The following ZFP36L2 variants were observed in gnomAD, a reference collection of about 807,000 sequenced individuals.
ZFP36L2 encodes the protein mRNA decay activator protein ZFP36L2.
Under a neutral mutation model 27.9 loss-of-function variants are expected in ZFP36L2, and 16 were observed. The observed-to-expected ratio is 0.57, with a 90% CI of 0.39 to 0.87. ZFP36L2 has a LOEUF of 0.87. Among genes scored for constraint, ZFP36L2 ranks in the 40% least tolerant of loss-of-function variants. The pLI is 0.00. For missense variants in ZFP36L2, 989 were observed against 726.9 expected, an observed-to-expected ratio of 1.36 and a Z score of -4.15; for synonymous variants, 600 against 363.8, an observed-to-expected ratio of 1.65 and a Z score of -7.39.
In ZFP36L2 at chr2:43,222,975, G is replaced by C. The variant is rs1373991844; in HGVS notation, c.*1344C>G. 2.0e-5 allele frequency: 3 copies of C among 152,176 alleles called. No homozygotes were observed. Among genetic ancestry groups the C allele is most frequent in the Admixed American group, 1.3e-4 (2 of 15,274 alleles). The allele number at this position is 152,176 out of a possible 1,614,324, so 9.4% of individuals were successfully genotyped here. A position where few individuals can be genotyped will look rare whatever the true frequency, so the allele number is the denominator to read the frequency against. ...TACTCGAGTATGTCACAGTAGAACT[G>C]GTGGAATAAGCAAACACTTTTTTGC... On this transcript the variant is annotated 3_prime_UTR_variant, in exon 2 of 2. Coordinates refer to ENST00000282388, the MANE Select transcript of ZFP36L2 (RefSeq NM_006887.5).
In ZFP36L2 at chr2:43,224,826, C is replaced by T. The variant is rs771354925; in HGVS notation, c.978G>A (p.Ala326=). The T allele has an allele frequency of 1.4e-6, 2 of 1,423,818 alleles. No homozygotes were observed. Among genetic ancestry groups the T allele is most frequent in the South Asian group, 1.5e-5 (1 of 68,646 alleles). The allele number at this position is 1,423,818 out of a possible 1,614,324, so 88.2% of individuals were successfully genotyped here. A position where few individuals can be genotyped will look rare whatever the true frequency, so the allele number is the denominator to read the frequency against. ...ACAGCAGAGCGGCCGCAGCCGCGGC[C>T]GCCGCGGAGGCGCAGCATGTCGGGG... ...SGAPTCCASA[A]AAAAAALLYG... Residue 326 remains alanine (A), a synonymous_variant, in exon 2 of 2, where the codon GCG becomes GCA. Coordinates refer to ENST00000282388, the MANE Select transcript of ZFP36L2 (RefSeq NM_006887.5).
chr2:43,224,845 G>T lies in ZFP36L2; in HGVS notation c.959C>A (p.Thr320Lys). 2.7e-6 allele frequency: 4 copies of T among 1,459,500 alleles called. No homozygotes were observed. Among genetic ancestry groups the T allele is most frequent in the Middle Eastern group, 4.8e-4 (2 of 4,194 alleles). 90.4% of individuals were successfully genotyped at this position (1,459,500 alleles called of 1,614,324 possible). Residue 320 changes from threonine (T) to lysine (K), a missense_variant, in exon 2 of 2, where the codon ACA becomes AAA. Coordinates refer to ENST00000282388, the MANE Select transcript of ZFP36L2 (RefSeq NM_006887.5). ...SAASTPSGAP[T>K]CCASAAAAAA... ...CGCGGCCGCCGCGGAGGCGCAGCAT[G>T]TCGGGGCGCCCGAGGGCGTGGAGGC... is the stretch of plus-strand genomic sequence containing the variant.
intron 1 of ZFP36L2, 138 bp downstream of exon 1, chr2:43,226,127 C>G (rs1249909549): frequency 1.6e-6 from 2 of 1,268,928 alleles, no homozygotes; most frequent in Non-Finnish European, 2.2e-6. Context: ...CCAGGGCGCT[C>G]GGACACTCTT....
rs1022492128 is a variant in ZFP36L2, at chr2:43,222,880, G to C, written c.*1439C>G. The C allele has an allele frequency of 1.3e-5, 2 of 152,174 alleles. No individual in the cohort carries two copies. Among genetic ancestry groups the C allele is most frequent in the African/African-American group, 2.4e-5 (1 of 41,352 alleles). 9.4% of individuals were successfully genotyped at this position (152,174 alleles called of 1,614,324 possible). On this transcript the variant is annotated 3_prime_UTR_variant, in exon 2 of 2. Coordinates refer to ENST00000282388, the MANE Select transcript of ZFP36L2 (RefSeq NM_006887.5). ...CTTATTTGGTTGAGGAAGATTTAAG[G>C]CAAGTTCGGGCCCTTCCAAAGGCAC...
In ZFP36L2 at chr2:43,226,278, T is replaced by C; in HGVS notation, c.38A>G (p.Asp13Gly). The C allele has an allele frequency of 6.3e-7, 1 of 1,586,650 alleles. No homozygotes were observed. The highest frequency in any genetic ancestry group is 8.6e-7 in the Non-Finnish European group (1 of 1,165,722). The change falls in exon 1 of 2, where the codon GAC (aspartate) becomes GGC (glycine). Residue 13 changes from aspartate to glycine, a missense_variant. Physicochemically the swap from Asp to Gly is moderately conservative, Grantham distance 94 (BLOSUM62 -1). Transcript: ENST00000282388. ...TTLLSAFYDV[D>G]FLCKTEKSLA... is the part of the protein sequence containing the mutation. Reference sequence around the variant, plus strand: ...TCCCTGGCCTACCTTGCACAAGAAGTCGACATCGTAGAAGGCGGACAGAAG... The same window carrying C: ...TCCCTGGCCTACCTTGCACAAGAAGCCGACATCGTAGAAGGCGGACAGAAG...
In ZFP36L2 at chr2:43,225,100, G is replaced by A. The variant is rs760719917; in HGVS notation, c.704C>T (p.Ala235Val). Residue 235 changes from alanine to valine, a missense_variant, in exon 2 of 2, where the codon GCC becomes GTC. Coordinates refer to ENST00000282388, the MANE Select transcript of ZFP36L2 (RefSeq NM_006887.5). ...GTGCAACGCATCGCGCGTGCCAAAG[G>A]CACGCAGGTCCCCGGAGGCGCCCCC... ...PSGGASGDLRAFGTRDALHLG... is the reference protein window; with the variant it reads ...PSGGASGDLRVFGTRDALHLG... The A allele has an allele frequency of 2.5e-6, 4 of 1,593,432 alleles. No individual in the cohort carries two copies. The highest frequency in any genetic ancestry group is 2.2e-5 in the East Asian group (1 of 44,704).
rs781147659 is a variant in ZFP36L2 at position 43,225,450 on chromosome 2, T to C, written c.354A>G (p.Lys118=). Residue 118 remains lysine (K), a synonymous_variant, in exon 2 of 2, where the codon AAA becomes AAG. Coordinates refer to ENST00000282388, the MANE Select transcript of ZFP36L2 (RefSeq NM_006887.5). ...TCTCGCTAAACGAGCGGTCCCGGAA[T>C]TTGTTCTCCTTGTTGAGCAGGGCTG... ...GGTALLNKEN[K]FRDRSFSENG... The C allele has an allele frequency of 6.2e-7, 1 of 1,610,840 alleles. No homozygotes were observed. The highest frequency in any genetic ancestry group is 8.5e-7 in the Non-Finnish European group (1 of 1,178,842).
rs1230135778 is a variant in ZFP36L2, at chr2:43,222,469, C to T, written c.*1850G>A. The T allele has an allele frequency of 6.6e-6, 1 of 152,340 alleles. No individual in the cohort carries two copies. The highest frequency in any genetic ancestry group is 1.5e-5 in the Non-Finnish European group (1 of 68,032). 9.4% of individuals were successfully genotyped at this position (152,340 alleles called of 1,614,324 possible). A position where few individuals can be genotyped will look rare whatever the true frequency, so the allele number is the denominator to read the frequency against. Reference sequence around the variant, plus strand: ...ACATTTACAGTACAATGTTTACAGTCACAATTTGTAGTGAGCTGATTCCCC... The same window carrying T: ...ACATTTACAGTACAATGTTTACAGTTACAATTTGTAGTGAGCTGATTCCCC... On this transcript the variant is annotated 3_prime_UTR_variant, in exon 2 of 2. Coordinates refer to ENST00000282388, the MANE Select transcript of ZFP36L2 (RefSeq NM_006887.5).
Position 43,224,104 on chromosome 2 carries a change from A to G in ZFP36L2, c.*215T>C, listed in dbSNP as rs1240676942. ...AAAAGAATGAAACTTCGTAATAAAA[A>G]TAAAAAAAAAAAGACAAGAGGAAAC... On this transcript the variant is annotated 3_prime_UTR_variant, in exon 2 of 2. Coordinates refer to ENST00000282388, the MANE Select transcript of ZFP36L2 (RefSeq NM_006887.5). 4.9e-6 allele frequency: 2 copies of G among 412,106 alleles called. No homozygotes were observed. The highest frequency in any genetic ancestry group is 3.6e-5 in the East Asian group (1 of 27,622). 25.5% of individuals were successfully genotyped at this position (412,106 alleles called of 1,614,324 possible).
chr2:43,226,497 G>A lies in ZFP36L2; in HGVS notation c.-182C>T, dbSNP rs1228231659. On this transcript the variant is annotated 5_prime_UTR_variant, in exon 1 of 2. Transcript: ENST00000282388. Reference sequence around the variant, plus strand: ...GCGCGGGCCGGCGGGAGGGTCCGGCGGAGTGCGGCAGGGGGGAAGGAGAGA... The same window carrying A: ...GCGCGGGCCGGCGGGAGGGTCCGGCAGAGTGCGGCAGGGGGGAAGGAGAGA... 4.2e-6 allele frequency: 3 copies of A among 718,342 alleles called. No individual in the cohort carries two copies. Among genetic ancestry groups the A allele is most frequent in the East Asian group, 3.0e-5 (1 of 33,408 alleles). 44.5% of individuals were successfully genotyped at this position (718,342 alleles called of 1,614,324 possible). A position where few individuals can be genotyped will look rare whatever the true frequency, so the allele number is the denominator to read the frequency against.
chr2:43,225,485 C>A lies in ZFP36L2; in HGVS notation c.319G>T (p.Gly107Cys), dbSNP rs1305459427. 1 of 1,610,690 alleles carries A rather than the reference C, an allele frequency of 6.2e-7. No homozygotes were observed. Among genetic ancestry groups the A allele is most frequent in the African/African-American group, 1.3e-5 (1 of 75,030 alleles). ...TTGTTGAGCAGGGCTGTGCCGCCGC[C>A]CCCCGACGGCTCCTTAAGGGTGCCG... ...SYGTLKEPSG[G>C]GGTALLNKEN... Residue 107 changes from glycine (G) to cysteine (C), a missense_variant, in exon 2 of 2, where the codon GGC becomes TGC. Coordinates refer to ENST00000282388, the MANE Select transcript of ZFP36L2 (RefSeq NM_006887.5).
chr2:43,225,321 G>T lies in ZFP36L2; in HGVS notation c.483C>A (p.Pro161=). The T allele has an allele frequency of 1.2e-6, 2 of 1,613,234 alleles. No homozygotes were observed. Among genetic ancestry groups the T allele is most frequent in the Non-Finnish European group, 1.7e-6 (2 of 1,179,982 alleles). Residue 161 remains proline, a synonymous_variant, in exon 2 of 2, where the codon CCC becomes CCA. Coordinates refer to ENST00000282388, the MANE Select transcript of ZFP36L2 (RefSeq NM_006887.5). ...ACTTGCACGTGCCGCTCTCCTCGAA[G>T]GGCCGGCACAGCTCGGTCTTGTAGC... is the stretch of plus-strand genomic sequence containing the variant. The part of the protein sequence containing the change: ...STRYKTELCR[P]FEESGTCKYG...
Position 43,226,400 on chromosome 2 carries a change from A to C in ZFP36L2, c.-85T>G. On this transcript the variant is annotated 5_prime_UTR_variant, in exon 1 of 2. Coordinates refer to ENST00000282388, the MANE Select transcript of ZFP36L2 (RefSeq NM_006887.5). ...GCGGCGTGGCCGGGCTTGAGCCACG[A>C]CGAATAACGGGCGAGGGGCGGGGAG... 2 of 1,508,458 alleles carry C rather than the reference A, an allele frequency of 1.3e-6. No homozygotes were observed. Among genetic ancestry groups the C allele is most frequent in the Non-Finnish European group, 1.8e-6 (2 of 1,110,524 alleles). 93.4% of individuals were successfully genotyped at this position (1,508,458 alleles called of 1,614,324 possible). A position where few individuals can be genotyped will look rare whatever the true frequency, so the allele number is the denominator to read the frequency against.
chr2:43,225,883 GCCTCCAC>G, intron 1 of ZFP36L2, 131 bp from the exon 2 acceptor site: 5 of 983,040 alleles, frequency 5.1e-6, no homozygotes, highest in Non-Finnish European at 7.3e-6. Context: ...TCCCGACTCG[GCCTCCAC>G]CCTCCACCTA....
intron 1 of ZFP36L2, 131 bp from the exon 2 acceptor site, chr2:43,225,883 G>T: frequency 3.1e-6 from 3 of 983,038 alleles, no homozygotes; most frequent in Non-Finnish European, 2.9e-6. Flanking sequence ...TCCCGACTCG[G>T]CCTCCACCCT....
Position 43,224,763 on chromosome 2 carries a change from C to T in ZFP36L2, c.1041G>A (p.Gly347=), listed in dbSNP as rs761125625. ...CCGACGAGCAGGCCGCGCACGGGGC[C>T]CCCGGCGCCAGCAGGTCCTCGGCGC... is the stretch of plus-strand genomic sequence containing the variant. ...TGGAEDLLAP[G]APCAACSSAS... The change falls in exon 2 of 2, where the codon GGG becomes GGA. Residue 347 remains glycine (G), a synonymous_variant. Coordinates refer to ENST00000282388, the MANE Select transcript of ZFP36L2 (RefSeq NM_006887.5). 1.8e-4 allele frequency: 269 copies of T among 1,491,226 alleles called. 2 individuals are homozygous for T. Among genetic ancestry groups the T allele is most frequent in the Middle Eastern group, 1.0e-3 (5 of 4,942 alleles). 92.4% of individuals were successfully genotyped at this position (1,491,226 alleles called of 1,614,324 possible).
rs574206300 is a variant in ZFP36L2 at position 43,226,326 on chromosome 2, CCCGCAGTGGCCGGAG to C, written c.-26_-12del. ...AAGTGTGGTCGACATGTTTCTGGAT[CCCGCAGTGGCCGGAG>C]CGGCAGGCCGGGAGGTCGGGAGGAG... On this transcript the variant is annotated 5_prime_UTR_variant, in exon 1 of 2. Transcript: ENST00000282388. 969 of 1,576,150 alleles carry C rather than the reference CCCGCAGTGGCCGGAG, an allele frequency of 6.1e-4. 4 individuals carry two copies. In the African/African-American group the frequency reaches 0.011, roughly 18 times the overall value.
Position 43,224,901 on chromosome 2 carries a change from G to A in ZFP36L2, c.903C>T (p.Ser301=), listed in dbSNP as rs374447604. ...PSCSSASSCS[S]SASSCSSASA... The stretch of plus-strand genomic sequence containing the variant: ...AGGCCGAGGAACAGGAGGAGGCGGA[G>A]GAGGAGCAGGACGAGGCCGAAGAGC... The change falls in exon 2 of 2, where the codon TCC becomes TCT. Residue 301 remains serine (S), a synonymous_variant. Coordinates refer to ENST00000282388, the MANE Select transcript of ZFP36L2 (RefSeq NM_006887.5). 7 of 1,542,964 alleles carry A rather than the reference G, an allele frequency of 4.5e-6. No homozygotes were observed. Among genetic ancestry groups the A allele is most frequent in the Non-Finnish European group, 6.0e-6 (7 of 1,160,186 alleles).
In ZFP36L2 at chr2:43,225,090, C is replaced by A. The variant is rs1372518179; in HGVS notation, c.714G>T (p.Thr238=). ...GASGDLRAFG[T]RDALHLGFPR... is the part of the protein sequence containing the mutation. ...GGAAGCCCAGGTGCAACGCATCGCG[C>A]GTGCCAAAGGCACGCAGGTCCCCGG... The change falls in exon 2 of 2, where the codon ACG becomes ACT. Residue 238 remains threonine, a synonymous_variant. Coordinates refer to ENST00000282388, the MANE Select transcript of ZFP36L2 (RefSeq NM_006887.5). 2 of 1,593,472 alleles carry A rather than the reference C, an allele frequency of 1.3e-6. No individual in the cohort carries two copies. Among genetic ancestry groups the A allele is most frequent in the East Asian group, 2.2e-5 (1 of 44,728 alleles).
Sources: gnomAD v4.1 joint callset for allele counts on GRCh38, gnomAD v4.1.1 for gene constraint, MANE v1.5 for transcripts, NCBI Gene and HGNC (gene_info 2026-07-23, HGNC 2026-07-21) for gene names.